ITSN2: variants seen among roughly 807,000 people sequenced by gnomAD.
ITSN2 encodes intersectin 2.
A neutral mutation model predicts 243.7 loss-of-function variants in ITSN2; 156 were observed. That is an observed-to-expected ratio of 0.64 (90% CI 0.56 to 0.73). The LOEUF is 0.73. ITSN2 is among the 30% of genes least tolerant of loss of function. The pLI is 0.00. For synonymous variants in ITSN2, 703 were observed against 699.9 expected (o/e 1.00, Z -0.07); for missense variants, 1,801 against 1,996.1 (o/e 0.90, Z 1.86).
intron 31 of ITSN2, among the ~76,000 whole-genome samples, chr2:24,216,463 G>A (rs1669961712): frequency 6.6e-6 from 1 of 152,204 alleles, no homozygotes; most frequent in Non-Finnish European, 1.5e-5. Flanking sequence ...TAAAGTCCCT[G>A]CAGTTGGGTG....
intron 23 of ITSN2, 125 bp from the exon 24 acceptor site, chr2:24,254,556 C>A (rs188014781): frequency 1.5e-6 from 1 of 660,788 alleles, no homozygotes; most frequent in East Asian, 2.7e-5. Flanking sequence ...TAAATATAGT[C>A]TTAGTACACA....
rs764646174 is a variant in ITSN2, at chr2:24,216,202, G to A, written c.3837C>T (p.Gly1279=). 25 of 1,606,294 alleles carry A rather than the reference G, an allele frequency of 1.6e-5. 1 individual carries two copies. Among genetic ancestry groups the A allele is most frequent in the Middle Eastern group, 3.4e-4 (2 of 5,946 alleles). Residue 1279 remains glycine, a synonymous_variant, in exon 32 of 40, where the codon GGC becomes GGT. Transcript: ENST00000355123. The part of the protein sequence containing the change: ...KALRVRKKTG[G]EKMPVQMIGD... ...CAATCATCTGCACCGGCATCTTCTC[G>A]CCCCCGGTCTTCTTCCGCACCCGCA...
In ITSN2 at chr2:24,342,266, C is replaced by T. The variant is rs564553743; in HGVS notation, c.-33-14151G>A. Among the ~76,000 whole-genome samples, 15 of 151,970 alleles carry T rather than the reference C, an allele frequency of 9.9e-5. No individual in the cohort carries two copies. In the South Asian group the frequency reaches 2.9e-3, roughly 30 times the overall value. On this transcript the variant is annotated intron_variant, in intron 1 of 39. Transcript: ENST00000355123. The stretch of plus-strand genomic sequence containing the variant: ...AGGCTGGAGTGCAGTGGCATAATCA[C>T]GGTGCACTGCAGCCTCGACCTCCCA...
At chr2:24,282,792 A>G (rs1461721137) in intron 17 of ITSN2, among the ~76,000 whole-genome samples, 1 of 151,726 alleles carries the variant, frequency 6.6e-6, no homozygotes, top group African/African-American at 2.4e-5. Context: ...TCAACTTCCT[A>G]CTCTCTACCA....
At chr2:24,208,161 G>A in intron 37 of ITSN2, 76 bp downstream of exon 37, 1 of 1,227,644 alleles carries the variant, frequency 8.1e-7, no homozygotes, top group East Asian at 2.3e-5. Context: ...TATATCATCA[G>A]CCTGACTGCA....
chr2:24,242,646 TA>T (rs1672860219), intron 29 of ITSN2, among the ~76,000 whole-genome samples: 1 of 152,186 alleles, frequency 6.6e-6, no homozygotes, highest in Non-Finnish European at 1.5e-5. Flanking sequence ...CAATTTCTGA[TA>T]AATAATTACT....
At chr2:24,337,332 A>ATATATATATATATATATG (rs1686531428) in intron 1 of ITSN2, among the ~76,000 whole-genome samples, 2 of 107,772 alleles carry the variant, frequency 1.9e-5, no homozygotes, top group South Asian at 5.6e-4. Flanking sequence ...ATATATATAT[A>ATATATATATATATATATG]TATATATATA....
chr2:24,260,071 C>T (rs761357941), intron 22 of ITSN2, among the ~76,000 whole-genome samples: 4 of 152,088 alleles, frequency 2.6e-5, no homozygotes, highest in Non-Finnish European at 4.4e-5. Flanking sequence ...CAGGCACATG[C>T]CACTATGCCC....
chr2:24,338,203 A>T (rs2151894529), intron 1 of ITSN2, among the ~76,000 whole-genome samples: 1 of 152,308 alleles, frequency 6.6e-6, no homozygotes, highest in South Asian at 2.1e-4. Context: ...TAGTGTTTAT[A>T]ACCTCTTATC....
chr2:24,307,592 T>G (rs1296724422), intron 8 of ITSN2, among the ~76,000 whole-genome samples: 1 of 152,202 alleles, frequency 6.6e-6, no homozygotes, highest in African/African-American at 2.4e-5. Flanking sequence ...AGGTAACCAC[T>G]ATCCTGAATT....
At chr2:24,271,698 TGTCTC>T in intron 19 of ITSN2, 63 bp downstream of exon 19, 1 of 1,423,518 alleles carries the variant, frequency 7.0e-7, no homozygotes, top group Non-Finnish European at 9.2e-7. Flanking sequence ...TCCCTTTTTT[TGTCTC>T]TTATCAGGTC....
rs1474776302 is a variant in ITSN2 at position 24,249,114 on chromosome 2, C to A, written c.3121-232G>T. 1.3e-5 allele frequency among the ~76,000 whole-genome samples: 2 copies of A among 152,138 alleles called. No homozygotes were observed. Among genetic ancestry groups the A allele is most frequent in the African/African-American group, 4.8e-5 (2 of 41,432 alleles). ...ATTATATACGAGTGGCTGTCATCGT[C>A]AACCATTGACTCAACAGGAAGAGCT... On this transcript the variant is annotated intron_variant, in intron 25 of 39. Transcript: ENST00000355123. The surrounding 1 kb of genome is among the most constrained non-coding windows in gnomAD (Gnocchi z 4.4).
chr2:24,358,443 T>C (rs1688652905), intron 1 of ITSN2, among the ~76,000 whole-genome samples: 1 of 152,132 alleles, frequency 6.6e-6, no homozygotes, highest in Non-Finnish European at 1.5e-5. Flanking sequence ...TAGCATAGAG[T>C]CTAACATGCA....
At chr2:24,327,994 C>G in intron 2 of ITSN2, 58 bp downstream of exon 2, 2 of 1,378,466 alleles carry the variant, frequency 1.5e-6, no homozygotes, top group East Asian at 5.0e-5. Flanking sequence ...TTTTAAACCT[C>G]TACCAAAAAA....
chr2:24,336,989 G>A (rs987105110), intron 1 of ITSN2, among the ~76,000 whole-genome samples: 1 of 151,546 alleles, frequency 6.6e-6, no homozygotes, highest in Non-Finnish European at 1.5e-5. Flanking sequence ...AGCAGAACAG[G>A]CTCCAACCTA....
chr2:24,242,674 G>A (rs963160512), intron 29 of ITSN2, among the ~76,000 whole-genome samples: 2 of 151,794 alleles, frequency 1.3e-5, no homozygotes, highest in Admixed American at 6.6e-5. Context: ...AAACAAAATC[G>A]GTACGCCTCA....
intron 36 of ITSN2, among the ~76,000 whole-genome samples, chr2:24,208,884 T>C (rs1669195032): frequency 6.6e-6 from 1 of 151,616 alleles, no homozygotes. Flanking sequence ...GGCTGCTGAG[T>C]GGTGTGGGGA....
Position 24,254,376 on chromosome 2 carries a change from C to A in ITSN2, c.2944G>T (p.Val982Phe), listed in dbSNP as rs2151341302. The A allele has an allele frequency of 1.2e-6, 2 of 1,612,010 alleles. No individual in the cohort carries two copies. Among genetic ancestry groups the A allele is most frequent in the East Asian group, 4.5e-5 (2 of 44,788 alleles). Reference sequence around the variant, plus strand: ...ATTGCCAAAAGCTTACCTTCTCCAACTGAATAGGCTGCCGAGGTAGGTTTC... The same window carrying A: ...ATTGCCAAAAGCTTACCTTCTCCAAATGAATAGGCTGCCGAGGTAGGTTTC... ...NKKPTSAAYSVGEEYIALYPY... is the reference protein window; with the variant it reads ...NKKPTSAAYSFGEEYIALYPY... Residue 982 changes from valine to phenylalanine, a missense_variant, in exon 24 of 40, where the codon GTT becomes TTT. Val to Phe is a conservative substitution (Grantham distance 50). Transcript: ENST00000355123.
Position 24,284,834 on chromosome 2 carries a change from T to C in ITSN2, c.1873A>G (p.Met625Val), listed in dbSNP as rs1182362537. The change falls in exon 17 of 40, where the codon ATG (methionine) becomes GTG (valine). Residue 625 changes from methionine (M) to valine (V), a missense_variant. Met to Val is a conservative substitution (Grantham distance 21). Transcript: ENST00000355123. ...AGGCACTGAAGAACAGAGTCATCCA[T>C]ATTCCCACACTGTAAGATAAGGCAG... The part of the protein sequence containing the change: ...SFNNQLKCGN[M>V]DDSVLQCLLS... The C allele has an allele frequency of 1.9e-6, 3 of 1,588,446 alleles. No homozygotes were observed. The highest frequency in any genetic ancestry group is 2.6e-6 in the Non-Finnish European group (3 of 1,159,730).
Sources: allele counts gnomAD v4.1 joint callset (sites outside exome capture counted in the v4.1 genomes callset), GRCh38; gene constraint gnomAD v4.1.1; non-coding constraint Gnocchi (gnomAD v3.1); transcripts MANE v1.5; gene names NCBI Gene and HGNC (gene_info 2026-07-23, HGNC 2026-07-21).